PTPRD: variants seen among roughly 807,000 people sequenced by gnomAD.
PTPRD encodes protein tyrosine phosphatase receptor type D, also known as receptor-type tyrosine-protein phosphatase delta.
Under a neutral mutation model 214.5 loss-of-function variants are expected in PTPRD, and 34 were observed. The ratio of observed to expected loss-of-function variants is 0.16; its 90% CI spans 0.12 to 0.21. The LOEUF (loss-of-function observed/expected upper bound fraction) is 0.21. PTPRD is among the 10% of genes least tolerant of loss of function. The probability of loss-of-function intolerance (pLI) is 1.00; values close to 1 mark genes in which losing one functional copy is unlikely to be tolerated. For synonymous variants in PTPRD, 1,128 were observed against 845.7 expected (o/e 1.33, Z -5.79); for missense variants, 2,545 against 2,398.7 (o/e 1.06, Z -1.27).
intron 2 of PTPRD, among the ~76,000 whole-genome samples, chr9:10,609,277 CA>C (rs61087601): frequency 0.027 from 4,091 of 152,096 alleles, 179 homozygotes; most frequent in African/African-American, 0.092. Context: ...TTGAAAATCA[CA>C]TTTTTTTCAG....
chr9:10,473,090 C>T (rs933263428), intron 2 of PTPRD, among the ~76,000 whole-genome samples: 1 of 151,600 alleles, frequency 6.6e-6, no homozygotes, highest in African/African-American at 2.4e-5. Context: ...GCTCCAGTAC[C>T]CAAAATTATT....
chr9:10,452,109 T>C (rs1000873845), intron 2 of PTPRD, among the ~76,000 whole-genome samples: 27 of 152,058 alleles, frequency 1.8e-4, no homozygotes, highest in African/African-American at 6.0e-4. Flanking sequence ...CAATTCCAAA[T>C]TGTTTTGAAG....
intron 11 of PTPRD, among the ~76,000 whole-genome samples, chr9:8,964,217 T>TTTTTTTA (rs2099176260): frequency 7.3e-6 from 1 of 137,276 alleles, no homozygotes; most frequent in Non-Finnish European, 1.6e-5. Flanking sequence ...TTTTTTTTTT[T>TTTTTTTA]GCTGATTCAA....
intron 3 of PTPRD, among the ~76,000 whole-genome samples, chr9:10,321,819 A>G (rs1271982520): frequency 6.6e-6 from 1 of 152,076 alleles, no homozygotes; most frequent in Non-Finnish European, 1.5e-5. Context: ...TGATCATTGC[A>G]AAAACATTAC....
At chr9:10,121,780 G>T (rs1476912967) in intron 3 of PTPRD, among the ~76,000 whole-genome samples, 1 of 152,062 alleles carries the variant, frequency 6.6e-6, no homozygotes, top group Non-Finnish European at 1.5e-5. Flanking sequence ...CCCTTTGTAG[G>T]TACCATCCTG....
chr9:9,158,118 T>C (rs1201541722), intron 10 of PTPRD, among the ~76,000 whole-genome samples: 3 of 152,188 alleles, frequency 2.0e-5, no homozygotes, highest in African/African-American at 7.2e-5. Context: ...CAGTCTATCA[T>C]TGATGGGCAT....
At chr9:10,293,900 T>C (rs1409202153) in intron 3 of PTPRD, among the ~76,000 whole-genome samples, 1 of 151,908 alleles carries the variant, frequency 6.6e-6, no homozygotes, top group South Asian at 2.1e-4. Context: ...ATAAATATTG[T>C]GGGCAAAATG....
chr9:9,328,618 C>CTTTTTTTTTT lies in PTPRD; in HGVS notation c.-203+68821_-203+68830dup, dbSNP rs869076374. ...ACATTTTCTTTTGTTGTTGTTCTTG[C>CTTTTTTTTTT]TTTTTTTTTTTTTTTTTTTTTTTTT... On this transcript the variant is annotated intron_variant, in intron 9 of 45. Transcript: ENST00000381196. Among the ~76,000 whole-genome samples the CTTTTTTTTTT allele has an allele frequency of 4.6e-4, 13 of 28,228 alleles. 4 individuals are homozygous for CTTTTTTTTTT. Among genetic ancestry groups the CTTTTTTTTTT allele is most frequent in the Non-Finnish European group, 5.8e-4 (9 of 15,454 alleles). The allele number at this position is 28,228 out of a possible 152,430, so 18.5% of individuals were successfully genotyped here.
Position 10,377,395 on chromosome 9 carries a change from C to T in PTPRD, c.-599-36378G>A, listed in dbSNP as rs538294629. ...CATGTTGGTGTGTTGCACCCATTAA[C>T]TCGTCATTTATATTAGGTATATCTC... On this transcript the variant is annotated intron_variant, in intron 2 of 45. Coordinates refer to ENST00000381196, the MANE Select transcript of PTPRD (RefSeq NM_002839.4). Among the ~76,000 whole-genome samples the T allele has an allele frequency of 4.6e-5, 7 of 151,996 alleles. No individual in the cohort carries two copies. The East Asian group carries it at 1.2e-3, about 25-fold the overall frequency.
chr9:9,738,107 TGGGGGGATGGG>T (rs2098332748), intron 6 of PTPRD, among the ~76,000 whole-genome samples: 2 of 129,092 alleles, frequency 1.5e-5, no homozygotes, highest in African/African-American at 6.1e-5. Context: ...TGTTGTGAGG[TGGGGGGATGGG>T]GGAGGGATAG....
At chr9:8,431,749 A>T (rs1482910083) in intron 35 of PTPRD, among the ~76,000 whole-genome samples, 1 of 152,194 alleles carries the variant, frequency 6.6e-6, no homozygotes, top group East Asian at 1.9e-4. Flanking sequence ...ACCACAGCTG[A>T]CCTATTAAAC....
intron 11 of PTPRD, among the ~76,000 whole-genome samples, chr9:8,826,815 T>G (rs1040441063): frequency 1.4e-4 from 21 of 152,206 alleles, no homozygotes; most frequent in Admixed American, 1.3e-4. Context: ...ATATTAAAAT[T>G]TAGAGCCTTG....
At chr9:9,216,701 G>A (rs781284873) in intron 9 of PTPRD, among the ~76,000 whole-genome samples, 2 of 152,050 alleles carry the variant, frequency 1.3e-5, no homozygotes, top group Non-Finnish European at 2.9e-5. Flanking sequence ...TCTGTTTTGT[G>A]CCTTATCTTT....
At chr9:9,426,618 A>G (rs1388879359) in intron 8 of PTPRD, among the ~76,000 whole-genome samples, 1 of 152,068 alleles carries the variant, frequency 6.6e-6, no homozygotes, top group East Asian at 1.9e-4. Flanking sequence ...CTCAAGTGGG[A>G]CCCTGACCCC....
At chr9:9,733,959 C>T (rs934091548) in intron 7 of PTPRD, among the ~76,000 whole-genome samples, 3 of 152,036 alleles carry the variant, frequency 2.0e-5, no homozygotes, top group Non-Finnish European at 4.4e-5. Flanking sequence ...CACAGAAAAC[C>T]TCCTATCTCA....
chr9:10,231,989 A>AGAGAGAGAGAGAGAGTGTGTGTGT (rs1245284728), intron 3 of PTPRD, among the ~76,000 whole-genome samples: 17 of 92,492 alleles, frequency 1.8e-4, no homozygotes, highest in African/African-American at 6.9e-4. Context: ...AGAGAGAGAG[A>AGAGAGAGAGAGAGAGTGTGTGTGT]GTGTGTGTGT....
intron 10 of PTPRD, among the ~76,000 whole-genome samples, chr9:9,022,776 T>C (rs2099574274): frequency 6.6e-6 from 1 of 152,202 alleles, no homozygotes. Context: ...GAAGCTGTAA[T>C]ATGATTTGCT....
chr9:8,443,375 T>C (rs1372189730), intron 34 of PTPRD, among the ~76,000 whole-genome samples: 1 of 152,244 alleles, frequency 6.6e-6, no homozygotes, highest in Non-Finnish European at 1.5e-5. Context: ...ATTGATCCAA[T>C]TAATAGTATT....
chr9:10,148,779 C>T (rs291289), intron 3 of PTPRD, among the ~76,000 whole-genome samples: 82,185 of 151,954 alleles, frequency 0.54, 24,043 homozygotes, highest in Non-Finnish European at 0.67. Flanking sequence ...GGGGTAAGAA[C>T]CATGTCTATG....
Sources: allele counts gnomAD v4.1 joint callset (sites outside exome capture counted in the v4.1 genomes callset), GRCh38; gene constraint gnomAD v4.1.1; transcripts MANE v1.5; gene names NCBI Gene and HGNC (gene_info 2026-07-23, HGNC 2026-07-21).